PTPN3: variants seen among roughly 807,000 people sequenced by gnomAD.
PTPN3 encodes protein tyrosine phosphatase non-receptor type 3.
In PTPN3, 96 loss-of-function variants were observed where a neutral mutation model predicts 132.7. That is an observed-to-expected ratio of 0.72 (90% CI 0.61 to 0.86). The LOEUF is 0.86. PTPN3 is among the 40% of genes least tolerant of loss of function. PTPN3 has a pLI of 0.00. For missense variants in PTPN3, 1,125 were observed against 1,159.6 expected (o/e 0.97, Z 0.43); for synonymous variants, 398 against 429.0 (o/e 0.93, Z 0.89).
At chr9:109,452,947 T>G (rs1564456566) in intron 5 of PTPN3, among the ~76,000 whole-genome samples, 1 of 152,172 alleles carries the variant, frequency 6.6e-6, no homozygotes. Flanking sequence ...TCACCAGCTC[T>G]GTGTCCGTCA....
At chr9:109,522,276 GGCATTAAGT>G in the PTPN3 span, among the ~76,000 whole-genome samples, 2 of 152,298 alleles carry the variant, frequency 1.3e-5, no homozygotes, top group East Asian at 3.9e-4. Context: ...AATGTCTTGT[GGCATTAAGT>G]GCAGGCTATA....
At chr9:109,447,811 C>T (rs1199154567) in intron 6 of PTPN3, among the ~76,000 whole-genome samples, 2 of 152,190 alleles carry the variant, frequency 1.3e-5, no homozygotes, top group Non-Finnish European at 2.9e-5. Flanking sequence ...CTTGCCACAT[C>T]CTTCCTGCTT....
intron 1 of PTPN3, among the ~76,000 whole-genome samples, chr9:109,493,284 G>A (rs78474315): frequency 4.5e-4 from 68 of 152,250 alleles, no homozygotes; most frequent in African/African-American, 1.5e-3. Flanking sequence ...GACAAATCTC[G>A]GCTGCACTGC....
At chr9:109,485,236 G>A (rs1054713602) in intron 1 of PTPN3, among the ~76,000 whole-genome samples, 3 of 151,870 alleles carry the variant, frequency 2.0e-5, no homozygotes, top group Non-Finnish European at 2.9e-5. Flanking sequence ...GGCCGGGCGC[G>A]GTGGCTCACG....
chr9:109,508,853 TC>T, the PTPN3 span, among the ~76,000 whole-genome samples: 129,586 of 151,550 alleles, frequency 0.86, 55,434 homozygotes, highest in South Asian at 0.94. Flanking sequence ...AGTCAGGATG[TC>T]CCCCCCCCAC....
At chr9:109,448,691 A>G in intron 6 of PTPN3, 120 bp downstream of exon 6, 2 of 977,880 alleles carry the variant, frequency 2.0e-6, no homozygotes. Context: ...GCTGTACAGG[A>G]TGCTTTGCAC....
chr9:109,458,157 C>T (rs1845661457), intron 2 of PTPN3, among the ~76,000 whole-genome samples: 1 of 152,166 alleles, frequency 6.6e-6, no homozygotes, highest in Admixed American at 6.5e-5. Flanking sequence ...CCGTCGAGGG[C>T]TGTGAAACAG....
intron 17 of PTPN3, 32 bp downstream of exon 17, chr9:109,408,289 C>T (rs761335922): frequency 6.7e-7 from 1 of 1,489,640 alleles, no homozygotes; most frequent in Non-Finnish European, 9.1e-7. Flanking sequence ...AACAAACAAA[C>T]ACGAGGAATA....
At chr9:109,431,499 T>G (rs1310517050) in intron 10 of PTPN3, among the ~76,000 whole-genome samples, 1 of 152,210 alleles carries the variant, frequency 6.6e-6, no homozygotes, top group East Asian at 1.9e-4. Flanking sequence ...GAGAGCTGCC[T>G]GGGCACGCCC....
chr9:109,489,203 G>T (rs1376394471), intron 1 of PTPN3, among the ~76,000 whole-genome samples: 1 of 152,182 alleles, frequency 6.6e-6, no homozygotes, highest in East Asian at 1.9e-4. Context: ...ATCCAGCCAG[G>T]GTATGTGAGT....
intron 23 of PTPN3, 146 bp downstream of exon 23, chr9:109,383,277 G>A: frequency 7.1e-7 from 1 of 1,406,070 alleles, no homozygotes; most frequent in Non-Finnish European, 9.8e-7. Flanking sequence ...CTGGGCCCTG[G>A]CTCTTTGATG....
At chr9:109,440,727 G>A (rs761774716) in intron 7 of PTPN3, among the ~76,000 whole-genome samples, 16 of 152,218 alleles carry the variant, frequency 1.1e-4, no homozygotes, top group Admixed American at 1.3e-4. Context: ...CATCATACCA[G>A]TTAACAGTCC....
rs1163721583 is a variant in PTPN3 at position 109,375,944 on chromosome 9, T to A, written c.*3612A>T. On this transcript the variant is annotated 3_prime_UTR_variant, in exon 26 of 26. Transcript: ENST00000374541. Reference sequence around the variant, plus strand: ...TGGTCCCCGGTCTGAGGTCACAGAATCTTTGCCACCTTTACCGAGACTGCT... The same window carrying A: ...TGGTCCCCGGTCTGAGGTCACAGAAACTTTGCCACCTTTACCGAGACTGCT... 6.6e-6 allele frequency: 1 copy of A among 152,216 alleles called. No individual in the cohort carries two copies. Among genetic ancestry groups the A allele is most frequent in the Non-Finnish European group, 1.5e-5 (1 of 68,036 alleles). The allele number at this position is 152,216 out of a possible 1,614,324, so 9.4% of individuals were successfully genotyped here. A position where few individuals can be genotyped will look rare whatever the true frequency, so the allele number is the denominator to read the frequency against.
intron 11 of PTPN3, among the ~76,000 whole-genome samples, chr9:109,427,407 A>G (rs1843357839): frequency 6.6e-6 from 1 of 152,228 alleles, no homozygotes; most frequent in Admixed American, 6.5e-5. Context: ...TAGGCTGGAT[A>G]CATTTGGAGC....
chr9:109,391,883 G>GGGA (rs398046789), intron 19 of PTPN3, among the ~76,000 whole-genome samples: 1 of 57,414 alleles, frequency 1.7e-5, no homozygotes, highest in Non-Finnish European at 3.3e-5. Context: ...GGGGGGGGGG[G>GGGA]AAGAATTCTG....
rs1443364183 is a variant in PTPN3 at position 109,377,113 on chromosome 9, TA to T, written c.*2442del. ...GTGATGATGCATTTTTACCAAACAG[TA>T]ATAACTTGCTAAATATCCTAATGGC... On this transcript the variant is annotated 3_prime_UTR_variant, in exon 26 of 26. Transcript: ENST00000374541. 6.6e-6 allele frequency: 1 copy of T among 152,246 alleles called. No homozygotes were observed. The highest frequency in any genetic ancestry group is 1.5e-5 in the Non-Finnish European group (1 of 68,040). 9.4% of individuals were successfully genotyped at this position (152,246 alleles called of 1,614,324 possible). A position where few individuals can be genotyped will look rare whatever the true frequency, so the allele number is the denominator to read the frequency against.
intron 14 of PTPN3, among the ~76,000 whole-genome samples, chr9:109,415,689 G>C (rs891175291): frequency 6.6e-6 from 1 of 152,208 alleles, no homozygotes; most frequent in Non-Finnish European, 1.5e-5. Context: ...GGAGTCAAAT[G>C]TAAGAGATGT....
At chr9:109,413,404 A>G (rs923301405) in intron 14 of PTPN3, among the ~76,000 whole-genome samples, 22 of 152,298 alleles carry the variant, frequency 1.4e-4, no homozygotes, top group African/African-American at 4.6e-4. Flanking sequence ...GGACAGACAG[A>G]CGAGGAAGAG....
intron 6 of PTPN3, 33 bp downstream of exon 6, chr9:109,448,778 A>G (rs953036936): frequency 6.4e-7 from 1 of 1,570,906 alleles, no homozygotes; most frequent in African/African-American, 1.4e-5. Context: ...TTGCTAGTCT[A>G]ACAGGAAAAG....
Sources: allele counts gnomAD v4.1 joint callset (sites outside exome capture counted in the v4.1 genomes callset), GRCh38; gene constraint gnomAD v4.1.1; transcripts MANE v1.5; gene names NCBI Gene and HGNC (gene_info 2026-07-23, HGNC 2026-07-21).